SLC41A3: variants seen among roughly 807,000 people sequenced by gnomAD.
SLC41A3 encodes the protein SLC41A1-like 2.
A neutral mutation model predicts 45.4 loss-of-function variants in SLC41A3; 44 were observed. That is an observed-to-expected ratio of 0.97 (90% CI 0.76 to 1.25). The LOEUF is 1.25. SLC41A3 is among the 50% of genes most tolerant of loss of function. The probability of loss-of-function intolerance (pLI) is 0.00; values close to 1 mark genes in which losing one functional copy is unlikely to be tolerated. For synonymous variants in SLC41A3, 256 were observed against 252.4 expected, an observed-to-expected ratio of 1.01 and a Z score of -0.13; for missense variants, 550 against 600.6, an observed-to-expected ratio of 0.92 and a Z score of 0.88.
intron 3 of SLC41A3, among the ~76,000 whole-genome samples, chr3:126,034,402 C>G (rs1196784695): frequency 6.6e-6 from 1 of 152,246 alleles, no homozygotes; most frequent in African/African-American, 2.4e-5. Context: ...TCCTTAAACT[C>G]AGTTCATTAA....
At chr3:126,101,174 G>A (rs1028838087) in intron 1 of SLC41A3, among the ~76,000 whole-genome samples, 1 of 152,232 alleles carries the variant, frequency 6.6e-6, no homozygotes, top group African/African-American at 2.4e-5. Flanking sequence ...CTTCCAGCCA[G>A]CCCGGGGAGG....
intron 1 of SLC41A3, among the ~76,000 whole-genome samples, chr3:126,069,605 A>G (rs543216595): frequency 1.3e-5 from 2 of 152,288 alleles, no homozygotes; most frequent in South Asian, 2.1e-4. Flanking sequence ...AAGAAATAAG[A>G]AAGTATGGCC....
intron 1 of SLC41A3, among the ~76,000 whole-genome samples, chr3:126,075,957 A>C (rs1944862444): frequency 6.6e-6 from 1 of 152,218 alleles, no homozygotes; most frequent in South Asian, 2.1e-4. Context: ...CTGAAGTACA[A>C]GCAACCAAAG....
intron 2 of SLC41A3, among the ~76,000 whole-genome samples, chr3:126,058,721 C>G (rs1225417480): frequency 1.3e-5 from 2 of 152,372 alleles, no homozygotes; most frequent in African/African-American, 2.4e-5. Context: ...AACACACTGC[C>G]TGAGAAAGGA....
intron 6 of SLC41A3, 22 bp downstream of exon 6, chr3:126,022,764 T>G (rs748816263): frequency 1.2e-6 from 2 of 1,613,952 alleles, no homozygotes; most frequent in South Asian, 2.2e-5. Flanking sequence ...CCTTTGTGTC[T>G]ATAGAAGAAG....
At chr3:126,021,300 G>A (rs1940861452) in intron 6 of SLC41A3, among the ~76,000 whole-genome samples, 1 of 152,198 alleles carries the variant, frequency 6.6e-6, no homozygotes, top group Non-Finnish European at 1.5e-5. Context: ...GGCCCTGCCA[G>A]CACTTGGGAG....
intron 1 of SLC41A3, among the ~76,000 whole-genome samples, chr3:126,072,776 C>T (rs2108046408): frequency 6.6e-6 from 1 of 152,258 alleles, no homozygotes; most frequent in South Asian, 2.1e-4. Flanking sequence ...TGGGTGTATA[C>T]CCAAAGAAAT....
intron 2 of SLC41A3, among the ~76,000 whole-genome samples, chr3:126,061,581 T>C (rs893959225): frequency 6.6e-6 from 1 of 152,134 alleles, no homozygotes; most frequent in African/African-American, 2.4e-5. Flanking sequence ...AATGAGTGAA[T>C]GAATGAATGA....
intron 4 of SLC41A3, among the ~76,000 whole-genome samples, chr3:126,032,946 C>A (rs1347940779): frequency 1.3e-5 from 2 of 152,164 alleles, no homozygotes; most frequent in Non-Finnish European, 2.9e-5. Context: ...CCAGGCCCAG[C>A]CTCTCCTCTT....
chr3:126,083,109 G>A (rs919518328), intron 1 of SLC41A3, among the ~76,000 whole-genome samples: 1 of 152,204 alleles, frequency 6.6e-6, no homozygotes, highest in African/African-American at 2.4e-5. Context: ...TCATCACAGG[G>A]CACCTGGCCC....
chr3:126,074,808 G>A (rs781604756), intron 1 of SLC41A3, among the ~76,000 whole-genome samples: 17 of 152,170 alleles, frequency 1.1e-4, no homozygotes, highest in Non-Finnish European at 1.8e-4. Context: ...AGCTTCCTGC[G>A]TAGCTGGGGC....
intron 6 of SLC41A3, among the ~76,000 whole-genome samples, chr3:126,021,019 C>T (rs987542091): frequency 1.3e-5 from 2 of 152,014 alleles, no homozygotes; most frequent in Non-Finnish European, 2.9e-5. Context: ...CTCAGCCTGC[C>T]GAGTAGCTGG....
intron 2 of SLC41A3, among the ~76,000 whole-genome samples, chr3:126,058,977 A>G (rs1943845482): frequency 6.6e-6 from 1 of 151,314 alleles, no homozygotes; most frequent in Non-Finnish European, 1.5e-5. Flanking sequence ...TTCCCAACGT[A>G]CTCTCTGAAC....
intron 2 of SLC41A3, among the ~76,000 whole-genome samples, chr3:126,051,523 G>C (rs1576312699): frequency 6.8e-6 from 1 of 147,542 alleles, no homozygotes; most frequent in African/African-American, 2.5e-5. Flanking sequence ...CTGCGTGCCT[G>C]CTGCCACTGA....
At chr3:126,007,742 G>T (rs1215925198) in intron 10 of SLC41A3, among the ~76,000 whole-genome samples, 1 of 152,106 alleles carries the variant, frequency 6.6e-6, no homozygotes, top group African/African-American at 2.4e-5. Flanking sequence ...ACAACTTCTG[G>T]GATTTCCCTA....
chr3:126,052,409 C>G (rs1027061848), intron 2 of SLC41A3, among the ~76,000 whole-genome samples: 4 of 152,060 alleles, frequency 2.6e-5, no homozygotes, highest in African/African-American at 9.7e-5. Context: ...TGGGCACTCT[C>G]TCTGTCTATA....
At chr3:126,096,560 G>C (rs1945606913) in intron 1 of SLC41A3, among the ~76,000 whole-genome samples, 1 of 152,264 alleles carries the variant, frequency 6.6e-6, no homozygotes, top group East Asian at 1.9e-4. Context: ...ACTGCTTAAA[G>C]GCGTTCTTAA....
At chr3:126,014,365 T>C (rs1016647670) in intron 8 of SLC41A3, among the ~76,000 whole-genome samples, 3 of 152,128 alleles carry the variant, frequency 2.0e-5, no homozygotes, top group African/African-American at 7.2e-5. Flanking sequence ...CTGGCAAGTC[T>C]GGACCTACAC....
intron 5 of SLC41A3, among the ~76,000 whole-genome samples, chr3:126,025,949 G>A (rs757627459): frequency 6.6e-6 from 1 of 152,230 alleles, no homozygotes; most frequent in South Asian, 2.1e-4. Context: ...TCACAGGCCT[G>A]TGTGTAAGGT....
Sources: allele counts gnomAD v4.1 joint callset (sites outside exome capture counted in the v4.1 genomes callset), GRCh38; gene constraint gnomAD v4.1.1; transcripts MANE v1.5; gene names NCBI Gene and HGNC (gene_info 2026-07-23, HGNC 2026-07-21).